SOX6: variants seen among roughly 807,000 people sequenced by gnomAD.
The protein encoded by SOX6 is SRY-box transcription factor 6.
Under a neutral mutation model 97.8 loss-of-function variants are expected in SOX6, and 11 were observed. The ratio of observed to expected loss-of-function variants is 0.11; its 90% CI spans 0.07 to 0.19. The LOEUF (loss-of-function observed/expected upper bound fraction) is 0.19. Ranked by LOEUF, SOX6 falls within the 10% of genes least tolerant of loss-of-function variation. SOX6 has a pLI of 1.00. For synonymous variants in SOX6, 360 were observed against 371.4 expected, an observed-to-expected ratio of 0.97 and a Z score of 0.35; for missense variants, 810 against 1,039.5, an observed-to-expected ratio of 0.78 and a Z score of 3.04.
intron 6 of SOX6, among the ~76,000 whole-genome samples, chr11:16,130,824 A>G (rs1250520190): frequency 6.6e-6 from 1 of 151,972 alleles, no homozygotes; most frequent in Non-Finnish European, 1.5e-5. Context: ...ATCCACACCT[A>G]TTTGGTCAAT....
intron 3 of SOX6, among the ~76,000 whole-genome samples, chr11:16,240,697 G>C (rs762045189): frequency 2.0e-5 from 3 of 151,928 alleles, no homozygotes; most frequent in Non-Finnish European, 2.9e-5. Context: ...TAGAAAAAGA[G>C]GGAAACATAC....
intron 6 of SOX6, among the ~76,000 whole-genome samples, chr11:16,121,251 T>C (rs1478688416): frequency 6.6e-6 from 1 of 152,110 alleles, no homozygotes; most frequent in East Asian, 1.9e-4. Flanking sequence ...ACTAACATAA[T>C]CTTAATTCCT....
intron 1 of SOX6, among the ~76,000 whole-genome samples, chr11:16,342,755 C>T (rs1265201758): frequency 1.3e-5 from 2 of 151,754 alleles, no homozygotes; most frequent in African/African-American, 2.4e-5. Flanking sequence ...ATTTAGTATC[C>T]TACAGTGAAA....
intron 4 of SOX6, among the ~76,000 whole-genome samples, chr11:16,604,376 C>G (rs1565191160): frequency 6.6e-6 from 1 of 152,266 alleles, no homozygotes; most frequent in Admixed American, 6.5e-5. Context: ...CCTCGGGACC[C>G]GGGGAAAAAC....
intron 3 of SOX6, among the ~76,000 whole-genome samples, chr11:16,669,120 G>A (rs924166568): frequency 4.7e-4 from 72 of 152,036 alleles, no homozygotes; most frequent in Admixed American, 5.2e-4. Flanking sequence ...CATTCTCAAG[G>A]ATAGACCATA....
intron 12 of SOX6, among the ~76,000 whole-genome samples, chr11:16,034,073 C>T (rs1401992676): frequency 6.6e-6 from 1 of 152,106 alleles, no homozygotes; most frequent in Non-Finnish European, 1.5e-5. Flanking sequence ...CCCCATTTTA[C>T]AGATAAGAAA....
At chr11:16,090,934 T>A (rs1182009015) in intron 9 of SOX6, among the ~76,000 whole-genome samples, 2 of 152,056 alleles carry the variant, frequency 1.3e-5, no homozygotes, top group Non-Finnish European at 1.5e-5. Flanking sequence ...AATACATGCT[T>A]TATTATTGCA....
intron 2 of SOX6, among the ~76,000 whole-genome samples, chr11:16,732,221 C>T (rs1337137122): frequency 6.6e-6 from 1 of 152,068 alleles, no homozygotes; most frequent in African/African-American, 2.4e-5. Flanking sequence ...ACTTTCTTCA[C>T]AAATTAGAAA....
chr11:16,190,386 A>G (rs1479618574), intron 4 of SOX6, among the ~76,000 whole-genome samples: 3 of 152,182 alleles, frequency 2.0e-5, no homozygotes, highest in African/African-American at 7.2e-5. Flanking sequence ...GACTCAGCCA[A>G]TCTCGAACTG....
chr11:16,522,437 T>C (rs566708956), intron 4 of SOX6, among the ~76,000 whole-genome samples: 45 of 149,938 alleles, frequency 3.0e-4, no homozygotes, highest in African/African-American at 9.6e-4. Flanking sequence ...TGCTGAGAGA[T>C]TTTGTCATCA....
At chr11:16,118,061 C>T (rs1407219532) in intron 6 of SOX6, among the ~76,000 whole-genome samples, 1 of 152,088 alleles carries the variant, frequency 6.6e-6, no homozygotes, top group African/African-American at 2.4e-5. Context: ...ATTTTGCTAG[C>T]ACAAAGAGCA....
intron 6 of SOX6, among the ~76,000 whole-genome samples, chr11:16,143,567 T>C (rs12577107): frequency 2.0e-5 from 3 of 151,996 alleles, no homozygotes; most frequent in Admixed American, 6.6e-5. Context: ...AAATTGGATA[T>C]AGAGTCAAGA....
intron 1 of SOX6, among the ~76,000 whole-genome samples, chr11:16,441,555 T>C (rs1447892090): frequency 6.6e-6 from 1 of 152,214 alleles, no homozygotes; most frequent in Non-Finnish European, 1.5e-5. Flanking sequence ...AAGCAATTTA[T>C]ATTATTTACT....
chr11:16,727,658 G>A (rs1198329698), intron 2 of SOX6, among the ~76,000 whole-genome samples: 3 of 151,222 alleles, frequency 2.0e-5, no homozygotes, highest in South Asian at 2.1e-4. Flanking sequence ...GGCTGGTCTC[G>A]AATTCCTTAC....
intron 2 of SOX6, among the ~76,000 whole-genome samples, chr11:16,328,298 A>G (rs180701566): frequency 5.9e-5 from 9 of 152,260 alleles, no homozygotes; most frequent in African/African-American, 2.2e-4. Context: ...AATAAACCCA[A>G]TGTGTTCAGC....
chr11:16,123,559 A>C (rs919223317), intron 6 of SOX6, among the ~76,000 whole-genome samples: 1 of 152,064 alleles, frequency 6.6e-6, no homozygotes, highest in Non-Finnish European at 1.5e-5. Context: ...AGTAGTCTTC[A>C]GGTTTTCAAT....
chr11:16,598,774 A>C (rs1848238523), intron 4 of SOX6, among the ~76,000 whole-genome samples: 1 of 152,114 alleles, frequency 6.6e-6, no homozygotes, highest in African/African-American at 2.4e-5. Context: ...GAAGCAAAGA[A>C]ATTGTGCTCG....
intron 2 of SOX6, among the ~76,000 whole-genome samples, chr11:16,330,489 G>T (rs116228030): frequency 6.6e-6 from 1 of 152,106 alleles, no homozygotes; most frequent in South Asian, 2.1e-4. Flanking sequence ...CCCAGAAGGC[G>T]GAGGTTCCAG....
chr11:16,458,657 A>G (rs182134189), intron 1 of SOX6, among the ~76,000 whole-genome samples: 5 of 152,172 alleles, frequency 3.3e-5, no homozygotes, highest in Non-Finnish European at 7.4e-5. Flanking sequence ...AACATTCCTC[A>G]CATTTGTGAA....
Sources: allele counts gnomAD v4.1 joint callset (sites outside exome capture counted in the v4.1 genomes callset), GRCh38; gene constraint gnomAD v4.1.1; transcripts MANE v1.5; gene names NCBI Gene and HGNC (gene_info 2026-07-23, HGNC 2026-07-21).